COL17A1: variants seen among roughly 807,000 people sequenced by gnomAD.
The protein encoded by COL17A1 is collagen type XVII alpha 1 chain, also known as collagen alpha-1(XVII) chain.
A neutral mutation model predicts 218.4 loss-of-function variants in COL17A1; 181 were observed. The observed-to-expected ratio is 0.83, with a 90% CI of 0.73 to 0.94. The LOEUF (loss-of-function observed/expected upper bound fraction) is 0.94, where lower values mean the gene tolerates loss of function less well. Ranked by LOEUF, COL17A1 falls within the 40% of genes least tolerant of loss-of-function variation. The pLI is 0.00. For missense variants in COL17A1, 1,924 were observed against 1,945.9 expected (o/e 0.99, Z 0.21); for synonymous variants, 721 against 731.0 (o/e 0.99, Z 0.22).
rs1844686052 is a variant in COL17A1 at position 104,031,741 on chromosome 10, A to T, written c.*494T>A. The T allele has an allele frequency of 1.8e-5, 3 of 165,998 alleles. No homozygotes were observed. The South Asian group carries it at 4.7e-4, about 26-fold the overall frequency. 10.3% of individuals were successfully genotyped at this position (165,998 alleles called of 1,614,324 possible). A position where few individuals can be genotyped will look rare whatever the true frequency, so the allele number is the denominator to read the frequency against. On this transcript the variant is annotated 3_prime_UTR_variant, in exon 56 of 56. Transcript: ENST00000648076. ...GCAAGAGTCACTTCTTAGCCAACTG[A>T]CTAGAGAATGCAGAATGAACAGGGG...
intron 15 of COL17A1, among the ~76,000 whole-genome samples, chr10:104,058,760 C>T (rs553752949): frequency 6.6e-6 from 1 of 151,914 alleles, no homozygotes; most frequent in Non-Finnish European, 1.5e-5. Flanking sequence ...GGTGAAACCC[C>T]GTCTGTACTA....
intron 7 of COL17A1, 63 bp from the exon 8 acceptor site, chr10:104,072,142 C>T: frequency 1.2e-6 from 2 of 1,609,776 alleles, no homozygotes; most frequent in Non-Finnish European, 1.7e-6. Context: ...ATCCCTGACA[C>T]TGAACTCCTA....
chr10:104,045,809 C>A lies in COL17A1; in HGVS notation c.2363-16G>T, dbSNP rs949999191. 1 of 1,609,622 alleles carries A rather than the reference C, an allele frequency of 6.2e-7. No homozygotes were observed. The highest frequency in any genetic ancestry group is 8.5e-7 in the Non-Finnish European group (1 of 1,175,910). Reference sequence around the variant, plus strand: ...CCGGGAAGTCCTGATGTGATTAGAACAAGTAGTCAGGACGATGAAGGCCCA... The same window carrying A: ...CCGGGAAGTCCTGATGTGATTAGAAAAAGTAGTCAGGACGATGAAGGCCCA... On this transcript the variant is annotated splice_polypyrimidine_tract_variant and intron_variant, in intron 32 of 55. Transcript: ENST00000648076.
At chr10:104,055,443 G>GCC in intron 18 of COL17A1, 42 bp from the exon 19 acceptor site, 1 of 843,386 alleles carries the variant, frequency 1.2e-6, no homozygotes, top group Non-Finnish European at 1.7e-6. Context: ...CACATCTCCT[G>GCC]TCACACACAC....
At position 104,050,155 on chromosome 10, in the gene COL17A1, C is replaced by T. The variant is rs774742309; in HGVS notation, c.2129-31G>A. On this transcript the variant is annotated intron_variant, in intron 27 of 55. Coordinates refer to ENST00000648076, the MANE Select transcript of COL17A1 (RefSeq NM_000494.4). The stretch of plus-strand genomic sequence containing the variant: ...GCAAACAAGGGGGAGGTGGAAAAAG[C>T]CACAGTTGTGAGCAAGGAAAACACT... 32 of 1,613,764 alleles carry T rather than the reference C, an allele frequency of 2.0e-5. No individual in the cohort carries two copies. The South Asian group carries it at 3.5e-4, about 18-fold the overall frequency.
In COL17A1 at chr10:104,076,448, A is replaced by C; in HGVS notation, c.203-19T>G. On this transcript the variant is annotated intron_variant, in intron 4 of 55. Coordinates refer to ENST00000648076, the MANE Select transcript of COL17A1 (RefSeq NM_000494.4). Reference sequence around the variant, plus strand: ...CTTCCAGCTGCAAGAGGGAAAAAGCATAAGTTCTCAGTGCTTCAGCAGAGA... The same window carrying C: ...CTTCCAGCTGCAAGAGGGAAAAAGCCTAAGTTCTCAGTGCTTCAGCAGAGA... 6.2e-7 allele frequency: 1 copy of C among 1,613,828 alleles called. No homozygotes were observed. Among genetic ancestry groups the C allele is most frequent in the Non-Finnish European group, 8.5e-7 (1 of 1,179,788 alleles).
At chr10:104,065,820 TGCCAAGGCG>T (rs2086621545) in intron 9 of COL17A1, among the ~76,000 whole-genome samples, 1 of 152,242 alleles carries the variant, frequency 6.6e-6, no homozygotes. Context: ...CTGAAAGGCC[TGCCAAGGCG>T]TGGTTGAATC....
At chr10:104,074,034 G>T (rs1256343538) in intron 6 of COL17A1, 150 bp downstream of exon 6, 4 of 1,233,400 alleles carry the variant, frequency 3.2e-6, no homozygotes, top group African/African-American at 3.0e-5. Context: ...AGGATAAAAA[G>T]CAAGGGAAAA....
rs1340723204 is a variant in COL17A1 at position 104,045,802 on chromosome 10, A to G, written c.2363-9T>C. 7 of 1,610,914 alleles carry G rather than the reference A, an allele frequency of 4.3e-6. No individual in the cohort carries two copies. Among genetic ancestry groups the G allele is most frequent in the Non-Finnish European group, 5.9e-6 (7 of 1,177,122 alleles). Reference sequence around the variant, plus strand: ...AGGGGTACCGGGAAGTCCTGATGTGATTAGAACAAGTAGTCAGGACGATGA... The same window carrying G: ...AGGGGTACCGGGAAGTCCTGATGTGGTTAGAACAAGTAGTCAGGACGATGA... On this transcript the variant is annotated splice_polypyrimidine_tract_variant and intron_variant, in intron 32 of 55. Coordinates refer to ENST00000648076, the MANE Select transcript of COL17A1 (RefSeq NM_000494.4).
chr10:104,075,997 G>C (rs1328358572), intron 5 of COL17A1, among the ~76,000 whole-genome samples: 1 of 152,220 alleles, frequency 6.6e-6, no homozygotes, highest in Non-Finnish European at 1.5e-5. Context: ...AGGTCCTGAA[G>C]ACAAGATCTA....
intron 7 of COL17A1, among the ~76,000 whole-genome samples, chr10:104,072,683 A>T (rs780911114): frequency 6.6e-6 from 1 of 152,150 alleles, no homozygotes; most frequent in Non-Finnish European, 1.5e-5. Context: ...CAGCCCTAAC[A>T]TGCTGCCCCC....
At chr10:104,071,791 T>A in intron 8 of COL17A1, among the ~76,000 whole-genome samples, 1 of 152,136 alleles carries the variant, frequency 6.6e-6, no homozygotes, top group Admixed American at 6.5e-5. Context: ...ACTTACTGTC[T>A]CCCTATTAGT....
intron 30 of COL17A1, 23 bp from the exon 31 acceptor site, chr10:104,047,833 G>T: frequency 6.2e-7 from 1 of 1,600,892 alleles, no homozygotes; most frequent in East Asian, 2.2e-5. Flanking sequence ...TGGCCAACGT[G>T]GAAGTGTTTA....
rs142662833 is a variant in COL17A1 at position 104,063,385 on chromosome 10, A to G, written c.838+362T>C. ...AGATCTGAAAGTAGTTACTCAATGA[A>G]TTCTATTTTTCTTTAAAAGATCTGA... On this transcript the variant is annotated intron_variant, in intron 11 of 55. Coordinates refer to ENST00000648076, the MANE Select transcript of COL17A1 (RefSeq NM_000494.4). Among the ~76,000 whole-genome samples the G allele has an allele frequency of 3.5e-3, 527 of 152,334 alleles. 2 individuals are homozygous for G. The highest frequency in any genetic ancestry group is 6.1e-3 in the Non-Finnish European group (418 of 68,034).
At chr10:104,047,983 C>CTTA (rs1448278692) in intron 30 of COL17A1, 86 bp downstream of exon 30, 2 of 1,524,826 alleles carry the variant, frequency 1.3e-6, no homozygotes, top group Non-Finnish European at 1.8e-6. Flanking sequence ...TGCTCCTCTG[C>CTTA]ACTATGGTTA....
At chr10:104,059,549 A>AATGTG in intron 15 of COL17A1, 89 bp downstream of exon 15, 1 of 1,246,866 alleles carries the variant, frequency 8.0e-7, no homozygotes, top group Non-Finnish European at 1.2e-6. Flanking sequence ...CCCGTGGACC[A>AATGTG]CACTTTGAGT....
chr10:104,049,335 A>G (rs2086444406), intron 29 of COL17A1, 74 bp downstream of exon 29: 2 of 1,381,478 alleles, frequency 1.4e-6, no homozygotes, highest in East Asian at 4.6e-5. Context: ...CAGCTCTAGA[A>G]GACGGATCTC....
intron 36 of COL17A1, among the ~76,000 whole-genome samples, chr10:104,041,840 G>A (rs1191490708): frequency 6.6e-6 from 1 of 152,202 alleles, no homozygotes; most frequent in Admixed American, 6.5e-5. Context: ...GCTCCCACAC[G>A]TCTAGCTGGT....
At chr10:104,067,584 C>A (rs1057134267) in intron 9 of COL17A1, among the ~76,000 whole-genome samples, 2 of 152,078 alleles carry the variant, frequency 1.3e-5, no homozygotes, top group African/African-American at 4.8e-5. Context: ...AGGGGAGCCA[C>A]GGCATGGCTC....
Sources: allele counts gnomAD v4.1 joint callset (sites outside exome capture counted in the v4.1 genomes callset), GRCh38; gene constraint gnomAD v4.1.1; transcripts MANE v1.5; gene names NCBI Gene and HGNC (gene_info 2026-07-23, HGNC 2026-07-21).